The following MPZL3 variants were observed in gnomAD, a reference collection of about 807,000 sequenced individuals.
MPZL3 encodes the protein myelin protein zero-like protein 3.
MPZL3 carries 23 observed loss-of-function variants against 24.8 expected under a neutral mutation model. That is an observed-to-expected ratio of 0.93 (90% CI 0.67 to 1.31). The LOEUF is 1.31. Ranked by LOEUF, MPZL3 falls within the 40% of genes most tolerant of loss-of-function variation. The pLI, the probability that MPZL3 is intolerant of heterozygous loss-of-function variation, is 0.00. For missense variants in MPZL3, 277 were observed against 294.9 expected, an observed-to-expected ratio of 0.94 and a Z score of 0.44; for synonymous variants, 99 against 106.5, an observed-to-expected ratio of 0.93 and a Z score of 0.44.
chr11:118,251,519 T>C (rs1315414632), intron 1 of MPZL3, among the ~76,000 whole-genome samples: 1 of 152,128 alleles, frequency 6.6e-6, no homozygotes, highest in African/African-American at 2.4e-5. Flanking sequence ...TTAGGCTGGA[T>C]TGAAATTTAT....
At chr11:118,240,071 T>C in intron 2 of MPZL3, 140 bp downstream of exon 2, 1 of 787,732 alleles carries the variant, frequency 1.3e-6, no homozygotes, top group South Asian at 2.7e-5. Flanking sequence ...TCATATAGGA[T>C]AAAAGTTCAT....
intron 5 of MPZL3, 116 bp downstream of exon 5, chr11:118,233,344 C>G (rs1949377211): frequency 8.8e-7 from 1 of 1,137,724 alleles, no homozygotes; most frequent in African/African-American, 1.5e-5. Flanking sequence ...TGGTTCATAT[C>G]TTGCTTGGAC....
chr11:118,245,548 G>C (rs930512521), intron 1 of MPZL3, among the ~76,000 whole-genome samples: 27 of 152,310 alleles, frequency 1.8e-4, no homozygotes, highest in African/African-American at 5.8e-4. Flanking sequence ...TACTAGGCTT[G>C]GCAGGGGAAC....
chr11:118,243,137 A>G (rs892816223), intron 1 of MPZL3, among the ~76,000 whole-genome samples: 8 of 152,192 alleles, frequency 5.3e-5, no homozygotes, highest in East Asian at 1.9e-4. Context: ...GACAATTACC[A>G]TAAGAAATGC....
chr11:118,237,084 A>G lies in MPZL3; in HGVS notation c.417T>C (p.Asn139=). The change falls in exon 3 of 6, where the codon AAT becomes AAC. Residue 139 remains asparagine, a synonymous_variant. Transcript: ENST00000278949. ...AVKNPPDVHH[N]IPMTELTVTE... The stretch of plus-strand genomic sequence containing the variant: ...TGACTGTTAGCTCTGTCATGGGAAT[A>G]TTATGATGCACATCTGGGGGATTCT... 1 of 1,614,034 alleles carries G rather than the reference A, an allele frequency of 6.2e-7. No homozygotes were observed. The highest frequency in any genetic ancestry group is 8.5e-7 in the Non-Finnish European group (1 of 1,179,934).
intron 1 of MPZL3, among the ~76,000 whole-genome samples, chr11:118,244,935 G>T (rs1949541168): frequency 6.6e-6 from 1 of 151,990 alleles, no homozygotes; most frequent in Non-Finnish European, 1.5e-5. Context: ...AATTAGTGGG[G>T]CGTGGTGGCA....
chr11:118,233,399 C>CTCTTA, intron 5 of MPZL3, 61 bp downstream of exon 5: 2 of 1,582,708 alleles, frequency 1.3e-6, no homozygotes, highest in Non-Finnish European at 1.7e-6. Flanking sequence ...AGGATGGATC[C>CTCTTA]TCTTAGGTAA....
chr11:118,246,652 T>A (rs1949560628), intron 1 of MPZL3, among the ~76,000 whole-genome samples: 1 of 148,550 alleles, frequency 6.7e-6, no homozygotes, highest in Non-Finnish European at 1.5e-5. Flanking sequence ...TGGCGCGATC[T>A]CAGTTCATTG....
intron 1 of MPZL3, among the ~76,000 whole-genome samples, chr11:118,247,638 TTTA>T (rs1949570624): frequency 6.6e-6 from 1 of 150,926 alleles, no homozygotes; most frequent in East Asian, 2.0e-4. Context: ...ACCCGCCTTG[TTTA>T]TTTTTTGTTT....
At position 118,247,966 on chromosome 11, in the gene MPZL3, A is replaced by G. The variant is rs1949573992; in HGVS notation, c.73+4256T>C. Among the ~76,000 whole-genome samples, 4 of 151,316 alleles carry G rather than the reference A, an allele frequency of 2.6e-5. No individual in the cohort carries two copies. In the South Asian group the frequency reaches 8.4e-4, roughly 32 times the overall value. On this transcript the variant is annotated intron_variant, in intron 1 of 5. Coordinates refer to ENST00000278949, the MANE Select transcript of MPZL3 (RefSeq NM_198275.3). The stretch of plus-strand genomic sequence containing the variant: ...AGACTCTAAAATCATCTGTTGACTT[A>G]TGTCTTCTCCAATAGATCCTGATCC...
chr11:118,239,062 T>C (rs1178110874), intron 2 of MPZL3, among the ~76,000 whole-genome samples: 1 of 152,250 alleles, frequency 6.6e-6, no homozygotes, highest in African/African-American at 2.4e-5. Context: ...GTAACTTTAA[T>C]TCCAACTTGT....
At chr11:118,232,425 A>C (rs903687031) in intron 5 of MPZL3, among the ~76,000 whole-genome samples, 2 of 151,722 alleles carry the variant, frequency 1.3e-5, no homozygotes, top group East Asian at 3.9e-4. Context: ...TTGTACCCCA[A>C]TTCAACAGAG....
chr11:118,251,076 C>T (rs1949614522), intron 1 of MPZL3, among the ~76,000 whole-genome samples: 1 of 111,136 alleles, frequency 9.0e-6, no homozygotes, highest in South Asian at 3.8e-4. Context: ...TTGAATATTT[C>T]TCGTGTGTGT....
At chr11:118,240,418 G>A (rs780560635) in intron 1 of MPZL3, 41 bp from the exon 2 acceptor site, 2 of 1,567,776 alleles carry the variant, frequency 1.3e-6, no homozygotes, top group Non-Finnish European at 8.6e-7. Flanking sequence ...GCATTCATGT[G>A]GGTGGAATAT....
intron 1 of MPZL3, among the ~76,000 whole-genome samples, chr11:118,244,327 T>C (rs1949532319): frequency 6.6e-6 from 1 of 152,212 alleles, no homozygotes. Context: ...ATTAATTAAG[T>C]AATCATAAAG....
At chr11:118,250,168 A>ATTTTTTTTTTTTTTTTTTT (rs71041823) in intron 1 of MPZL3, among the ~76,000 whole-genome samples, 2 of 104,260 alleles carry the variant, frequency 1.9e-5, no homozygotes, top group African/African-American at 3.8e-5. Context: ...CACCTGGCTA[A>ATTTTTTTTTTTTTTTTTTT]TTTTTTTTTT....
chr11:118,250,575 GTTTGTT>G (rs1037598473), intron 1 of MPZL3, among the ~76,000 whole-genome samples: 3 of 151,778 alleles, frequency 2.0e-5, no homozygotes, highest in Non-Finnish European at 2.9e-5. Flanking sequence ...TTTCTTTTTT[GTTTGTT>G]TTTGTTTTTG....
intron 1 of MPZL3, among the ~76,000 whole-genome samples, chr11:118,250,023 G>A (rs1490626079): frequency 6.6e-6 from 1 of 151,640 alleles, no homozygotes; most frequent in Non-Finnish European, 1.5e-5. Context: ...ATTTATTGAG[G>A]CAGGATCTCA....
intron 2 of MPZL3, among the ~76,000 whole-genome samples, chr11:118,239,308 C>T (rs1436531080): frequency 1.3e-5 from 2 of 152,174 alleles, no homozygotes; most frequent in Non-Finnish European, 2.9e-5. Context: ...ACTGGAGTCC[C>T]CTACCTAGCC....
Sources: allele counts gnomAD v4.1 joint callset (sites outside exome capture counted in the v4.1 genomes callset), GRCh38; gene constraint gnomAD v4.1.1; transcripts MANE v1.5; gene names NCBI Gene and HGNC (gene_info 2026-07-23, HGNC 2026-07-21).